Variants in MLLT3 observed in about 807,000 individuals in gnomAD.
MLLT3 encodes the protein MLLT3 super elongation complex subunit, also known as protein AF-9.
Under a neutral mutation model 53.2 loss-of-function variants are expected in MLLT3, and 4 were observed. The ratio of observed to expected loss-of-function variants is 0.08; its 90% confidence interval spans 0.04 to 0.17. The LOEUF (loss-of-function observed/expected upper bound fraction) is 0.17. Among genes scored for constraint, MLLT3 ranks in the 10% least tolerant of loss-of-function variants. The pLI, the probability that MLLT3 is intolerant of heterozygous loss-of-function variation, is 1.00. For missense variants in MLLT3, 569 were observed against 684.0 expected, an observed-to-expected ratio of 0.83 and a Z score of 1.87; for synonymous variants, 283 against 230.6, an observed-to-expected ratio of 1.23 and a Z score of -2.06.
At chr9:20,540,819 C>G (rs535030565) in intron 2 of MLLT3, among the ~76,000 whole-genome samples, 1 of 152,354 alleles carries the variant, frequency 6.6e-6, no homozygotes, top group South Asian at 2.1e-4. Flanking sequence ...CAATTCCTCC[C>G]CAGAAAATGG....
rs534154335 is a variant in MLLT3, at chr9:20,346,660, T to C, written c.1576-86A>G. On this transcript the variant is annotated intron_variant, in intron 10 of 10. Coordinates refer to ENST00000380338, the MANE Select transcript of MLLT3 (RefSeq NM_004529.4). ...AGAGTAATGGAGGGGCGATCAAATA[T>C]GGAATCAAGTGATAAATATTCGTAT... 2.4e-5 allele frequency: 30 copies of C among 1,259,394 alleles called. No homozygotes were observed. The Middle Eastern group carries it at 5.8e-4, about 24-fold the overall frequency. 78.0% of individuals were successfully genotyped at this position (1,259,394 alleles called of 1,614,324 possible). A position where few individuals can be genotyped will look rare whatever the true frequency, so the allele number is the denominator to read the frequency against.
chr9:20,606,497 C>G (rs552257883), intron 2 of MLLT3, among the ~76,000 whole-genome samples: 7 of 152,192 alleles, frequency 4.6e-5, no homozygotes, highest in Non-Finnish European at 1.0e-4. Context: ...CATTATACTC[C>G]ATTTGAACAG....
chr9:20,547,506 G>A (rs1250494112), intron 2 of MLLT3, among the ~76,000 whole-genome samples: 2 of 151,962 alleles, frequency 1.3e-5, no homozygotes, highest in Non-Finnish European at 2.9e-5. Flanking sequence ...TTAACTGGGT[G>A]TGGTGGTGGG....
chr9:20,545,856 CAAA>C (rs5896901), intron 2 of MLLT3, among the ~76,000 whole-genome samples: 18,572 of 99,664 alleles, frequency 0.19, 1,605 homozygotes, highest in Middle Eastern at 0.27. Flanking sequence ...CAGTCTCTAC[CAAA>C]AAAAAAAAAA....
intron 2 of MLLT3, among the ~76,000 whole-genome samples, chr9:20,616,174 A>G (rs1038773926): frequency 6.6e-5 from 10 of 152,284 alleles, no homozygotes; most frequent in Admixed American, 1.3e-4. Context: ...ATGAGGTAAT[A>G]GTTCTATTTT....
intron 2 of MLLT3, among the ~76,000 whole-genome samples, chr9:20,592,655 A>G (rs994389892): frequency 6.6e-6 from 1 of 152,212 alleles, no homozygotes; most frequent in Non-Finnish European, 1.5e-5. Context: ...ACATAACATT[A>G]TAACTGGCTA....
intron 2 of MLLT3, among the ~76,000 whole-genome samples, chr9:20,567,606 G>A (rs1189714948): frequency 6.6e-6 from 1 of 152,122 alleles, no homozygotes; most frequent in Non-Finnish European, 1.5e-5. Flanking sequence ...GTAACTGCAA[G>A]ATTTGGCACA....
intron 10 of MLLT3, among the ~76,000 whole-genome samples, chr9:20,352,917 T>A (rs1450513470): frequency 2.0e-5 from 3 of 152,106 alleles, no homozygotes; most frequent in Admixed American, 1.3e-4. Flanking sequence ...GAGGCATACA[T>A]CATTAACTGA....
At chr9:20,536,124 G>C (rs1203594631) in intron 2 of MLLT3, among the ~76,000 whole-genome samples, 6 of 152,062 alleles carry the variant, frequency 3.9e-5, no homozygotes, top group African/African-American at 1.4e-4. Flanking sequence ...AGAAATCTAT[G>C]CTTTGTCATT....
rs1820991219 is a variant in MLLT3 at position 20,621,075 on chromosome 9, TG to T, written c.13-242del. On this transcript the variant is annotated intron_variant, in intron 1 of 10. Coordinates refer to ENST00000380338, the MANE Select transcript of MLLT3 (RefSeq NM_004529.4). This position sits in a 1 kb window ranked among gnomAD's most constrained non-coding sequence, Gnocchi z 7.0. ...GCCCCGCATCTACATCGGACAGGAT[TG>T]TAACGGAATGTTATCCCCAGTCGGG... 6 of 647,298 alleles carry T rather than the reference TG, an allele frequency of 9.3e-6. No individual in the cohort carries two copies. In the East Asian group the frequency reaches 1.7e-4, roughly 18 times the overall value. The allele number at this position is 647,298 out of a possible 1,614,324, so 40.1% of individuals were successfully genotyped here.
At chr9:20,586,260 C>A (rs1224472788) in intron 2 of MLLT3, among the ~76,000 whole-genome samples, 1 of 151,790 alleles carries the variant, frequency 6.6e-6, no homozygotes, top group Admixed American at 6.6e-5. Flanking sequence ...GTCAAGGCTG[C>A]AGTGAACCAT....
chr9:20,577,906 T>C (rs1385538942), intron 2 of MLLT3, among the ~76,000 whole-genome samples: 4 of 152,194 alleles, frequency 2.6e-5, no homozygotes, highest in Admixed American at 2.6e-4. Flanking sequence ...AGTTCTATAT[T>C]ATTTGGGAAT....
chr9:20,603,912 C>T (rs932241244), intron 2 of MLLT3, among the ~76,000 whole-genome samples: 19 of 152,006 alleles, frequency 1.2e-4, no homozygotes, highest in Non-Finnish European at 2.6e-4. Flanking sequence ...ACATGAAAAT[C>T]TTAACCCTGG....
intron 2 of MLLT3, among the ~76,000 whole-genome samples, chr9:20,543,772 G>A (rs1204615840): frequency 6.6e-6 from 1 of 151,396 alleles, no homozygotes; most frequent in African/African-American, 2.4e-5. Context: ...AGGAGGAGGA[G>A]GAGGAAAAAA....
rs35952288 is a variant in MLLT3, at chr9:20,620,291, A to G, written c.193+363T>C. Among the ~76,000 whole-genome samples the G allele has an allele frequency of 0.1, 14,674 of 140,906 alleles. 828 individuals are homozygous for G. The highest frequency in any genetic ancestry group is 0.16 in the African/African-American group (6,172 of 37,596). 92.4% of individuals were successfully genotyped at this position (140,906 alleles called of 152,430 possible). ...CACACACACACACACACACACACAC[A>G]CACGCGCAAAGTGTTTATTCCCTCC... On this transcript the variant is annotated intron_variant, in intron 2 of 10. Coordinates refer to ENST00000380338, the MANE Select transcript of MLLT3 (RefSeq NM_004529.4). The surrounding 1 kb of genome is among the most constrained non-coding windows in gnomAD (Gnocchi z 6.1).
intron 2 of MLLT3, among the ~76,000 whole-genome samples, chr9:20,570,977 A>G (rs1321278372): frequency 1.3e-5 from 2 of 152,228 alleles, no homozygotes; most frequent in African/African-American, 2.4e-5. Flanking sequence ...GCTAAACTGT[A>G]TTTCATACAA....
chr9:20,462,347 A>G (rs1824131219), intron 2 of MLLT3, among the ~76,000 whole-genome samples: 1 of 152,198 alleles, frequency 6.6e-6, no homozygotes, highest in Admixed American at 6.5e-5. Flanking sequence ...TAAAGATAAC[A>G]TCAACAAATA....
At chr9:20,428,847 T>C (rs1334557678) in intron 4 of MLLT3, among the ~76,000 whole-genome samples, 1 of 152,000 alleles carries the variant, frequency 6.6e-6, no homozygotes, top group African/African-American at 2.4e-5. Flanking sequence ...GATAAGAATA[T>C]ATCATAAATA....
intron 4 of MLLT3, among the ~76,000 whole-genome samples, chr9:20,429,471 T>C (rs969547781): frequency 1.1e-4 from 17 of 152,062 alleles, no homozygotes; most frequent in African/African-American, 4.1e-4. Flanking sequence ...AAAAGAAGCA[T>C]ATGGCCTAAT....
Sources: allele counts gnomAD v4.1 joint callset (sites outside exome capture counted in the v4.1 genomes callset), GRCh38; gene constraint gnomAD v4.1.1; non-coding constraint Gnocchi (gnomAD v3.1); transcripts MANE v1.5; gene names NCBI Gene and HGNC (gene_info 2026-07-23, HGNC 2026-07-21).